DLGAP4: variants seen among roughly 807,000 people sequenced by gnomAD.
The protein encoded by DLGAP4 is disks large-associated protein 4.
Under a neutral mutation model 86.9 loss-of-function variants are expected in DLGAP4, and 18 were observed. The observed-to-expected ratio is 0.21, with a 90% CI of 0.14 to 0.31. The LOEUF (loss-of-function observed/expected upper bound fraction) is 0.31, where lower values mean the gene tolerates loss of function less well. Among genes scored for constraint, DLGAP4 ranks in the 10% least tolerant of loss-of-function variants. The pLI, the probability that DLGAP4 is intolerant of heterozygous loss-of-function variation, is 1.00. For synonymous variants in DLGAP4, 548 were observed against 574.3 expected (o/e 0.95, Z 0.65); for missense variants, 1,085 against 1,362.6 (o/e 0.80, Z 3.21).
chr20:36,476,705 G>GTTTTTTT (rs35699904), intron 7 of DLGAP4, among the ~76,000 whole-genome samples: 14 of 85,338 alleles, frequency 1.6e-4, no homozygotes, highest in South Asian at 3.7e-4. Context: ...TTTTTTTTTG[G>GTTTTTTT]TTTTTTTTTT....
Position 36,431,739 on chromosome 20 carries a change from C to T in DLGAP4, c.22C>T (p.Arg8Cys), listed in dbSNP as rs754861535. 1.9e-5 allele frequency: 30 copies of T among 1,600,440 alleles called. No homozygotes were observed. The highest frequency in any genetic ancestry group is 6.7e-5 in the East Asian group (3 of 44,586). Residue 8 changes from arginine to cysteine, a missense_variant, in exon 3 of 13, where the codon CGC becomes TGC. Around this residue, in one of 2 missense-constraint regions of DLGAP4, gnomAD observed 1,082 missense variants for 1,344.1 expected, o/e 0.81. Transcript: ENST00000339266. This position sits in a 1 kb window ranked among gnomAD's most constrained non-coding sequence, Gnocchi z 5.1. Reference sequence around the variant, plus strand: ...GATCATGAAAGGCCTCGGTGACAGCCGCCCCCGCCACCTCTCCGACAGCCT... The same window carrying T: ...GATCATGAAAGGCCTCGGTGACAGCTGCCCCCGCCACCTCTCCGACAGCCT... MKGLGDSRPRHLSDSLDP... is the reference protein window; with the variant it reads MKGLGDSCPRHLSDSLDP...
At position 36,351,556 on chromosome 20, in the gene DLGAP4, G is replaced by C. The variant is rs6028547; in HGVS notation, c.-303-15489G>C. Among the ~76,000 whole-genome samples, 244 of 151,912 alleles carry C rather than the reference G, an allele frequency of 1.6e-3. 2 individuals are homozygous for C. Among genetic ancestry groups the C allele is most frequent in the African/African-American group, 5.5e-3 (226 of 41,408 alleles). On this transcript the variant is annotated intron_variant, in intron 1 of 12. Transcript: ENST00000339266. ...AGCTCAGGGCTCCAACTGATTCTGCGTTATGGTGAGTTGTATAATTATTTC... is the reference window on the plus strand; with the variant it reads ...AGCTCAGGGCTCCAACTGATTCTGCCTTATGGTGAGTTGTATAATTATTTC...
intron 2 of DLGAP4, among the ~76,000 whole-genome samples, chr20:36,372,133 C>CGTCCGAGGGTAGGTG (rs955147788): frequency 6.6e-6 from 1 of 152,174 alleles, no homozygotes; most frequent in African/African-American, 2.4e-5. Context: ...ATAAGAATAG[C>CGTCCGAGGGTAGGTG]GTCCGAGGGT....
intron 2 of DLGAP4, among the ~76,000 whole-genome samples, chr20:36,367,986 C>T (rs1457401738): frequency 1.3e-5 from 2 of 152,238 alleles, no homozygotes; most frequent in African/African-American, 4.8e-5. Flanking sequence ...CCAGCCACCA[C>T]GAAGCACTAC....
At chr20:36,315,380 G>A (rs1390132907) in intron 1 of DLGAP4, among the ~76,000 whole-genome samples, 27 of 151,978 alleles carry the variant, frequency 1.8e-4, no homozygotes, top group Non-Finnish European at 3.7e-4. Context: ...AGAGCCATGG[G>A]TCACGGGCCT....
At chr20:36,372,448 C>T (rs2030979233) in intron 2 of DLGAP4, among the ~76,000 whole-genome samples, 1 of 152,112 alleles carries the variant, frequency 6.6e-6, no homozygotes, top group Admixed American at 6.5e-5. Flanking sequence ...CCCTCCCCAT[C>T]ACCTCCCTCA....
At chr20:36,411,263 A>G (rs912396902) in intron 2 of DLGAP4, among the ~76,000 whole-genome samples, 1 of 152,130 alleles carries the variant, frequency 6.6e-6, no homozygotes, top group Non-Finnish European at 1.5e-5. Context: ...GTGCAGGATT[A>G]TAGACGTGGG....
intron 1 of DLGAP4, among the ~76,000 whole-genome samples, chr20:36,330,116 GT>G (rs2065252702): frequency 6.6e-6 from 1 of 151,916 alleles, no homozygotes; most frequent in African/African-American, 2.4e-5. Flanking sequence ...ATGCCGTTCT[GT>G]TTTCTTCCAG....
intron 1 of DLGAP4, among the ~76,000 whole-genome samples, chr20:36,360,885 TG>T (rs2030495832): frequency 6.6e-6 from 1 of 151,704 alleles, no homozygotes; most frequent in Non-Finnish European, 1.5e-5. Flanking sequence ...AGGTCCATTT[TG>T]GACATGGGGG....
At chr20:36,317,656 T>C (rs1481176331) in intron 1 of DLGAP4, among the ~76,000 whole-genome samples, 1 of 151,444 alleles carries the variant, frequency 6.6e-6, no homozygotes, top group East Asian at 1.9e-4. Flanking sequence ...GGGGTCTTGC[T>C]ATGTTGCCCA....
intron 1 of DLGAP4, among the ~76,000 whole-genome samples, chr20:36,365,159 G>A (rs996541908): frequency 3.9e-5 from 6 of 152,228 alleles, no homozygotes; most frequent in African/African-American, 7.2e-5. Context: ...TGTCAGCAAG[G>A]AAGAGGTGGG....
intron 1 of DLGAP4, among the ~76,000 whole-genome samples, chr20:36,333,179 T>A (rs2065287478): frequency 6.6e-6 from 1 of 152,030 alleles, no homozygotes; most frequent in Admixed American, 6.6e-5. Context: ...GGCCATCTGG[T>A]CCCACTTTGA....
chr20:36,374,809 C>T (rs1364113802), intron 2 of DLGAP4, among the ~76,000 whole-genome samples: 1 of 152,242 alleles, frequency 6.6e-6, no homozygotes, highest in Non-Finnish European at 1.5e-5. Flanking sequence ...AGTTAGAAAG[C>T]TTTTTCACAG....
intron 1 of DLGAP4, among the ~76,000 whole-genome samples, chr20:36,334,084 G>T (rs551870812): frequency 2.4e-4 from 37 of 152,234 alleles, no homozygotes; most frequent in Non-Finnish European, 4.7e-4. Context: ...CTGTGTGCCA[G>T]GCACAGGGCT....
In DLGAP4 at chr20:36,308,422, G is replaced by A. The variant is rs1453755858; in HGVS notation, c.-304+1910G>A. ...AACTGTGAGCTGGACGGGACCTGAT[G>A]GCTGGGTTATGTGGAACCCCGGGTG... On this transcript the variant is annotated intron_variant, in intron 1 of 12. Coordinates refer to ENST00000339266, the MANE Select transcript of DLGAP4 (RefSeq NM_001365621.2). The surrounding 1 kb of genome is among the most constrained non-coding windows in gnomAD (Gnocchi z 4.5). 6.6e-6 allele frequency among the ~76,000 whole-genome samples: 1 copy of A among 152,212 alleles called. No individual in the cohort carries two copies. The highest frequency in any genetic ancestry group is 1.5e-5 in the Non-Finnish European group (1 of 68,022).
intron 10 of DLGAP4, among the ~76,000 whole-genome samples, chr20:36,504,925 A>G (rs1276839499): frequency 6.6e-6 from 1 of 151,272 alleles, no homozygotes; most frequent in Non-Finnish European, 1.5e-5. Context: ...ATTTGCAGAT[A>G]CTTTCTCCCA....
intron 1 of DLGAP4, among the ~76,000 whole-genome samples, chr20:36,317,477 T>C (rs1228295911): frequency 6.8e-6 from 1 of 146,614 alleles, no homozygotes; most frequent in African/African-American, 2.5e-5. Context: ...TTTTTTTTTT[T>C]TGTCAGAGCT....
At chr20:36,363,934 C>A (rs1250760891) in intron 1 of DLGAP4, among the ~76,000 whole-genome samples, 3 of 152,228 alleles carry the variant, frequency 2.0e-5, no homozygotes, top group East Asian at 3.9e-4. Flanking sequence ...GCCGAGGGAG[C>A]TCTAGGAGCC....
rs1199800995 is a variant in DLGAP4 at position 36,317,339 on chromosome 20, CTT to C, written c.-304+10829_-304+10830del. The stretch of plus-strand genomic sequence containing the variant: ...TTCCTTCCTTCCTTCCTCTTTCTCT[CTT>C]TCTTTCCTTCTCTCTTTCTTTCTTT... On this transcript the variant is annotated intron_variant, in intron 1 of 12. Coordinates refer to ENST00000339266, the MANE Select transcript of DLGAP4 (RefSeq NM_001365621.2). 9.1e-4 allele frequency among the ~76,000 whole-genome samples: 129 copies of C among 141,342 alleles called. 2 individuals carry two copies. Among genetic ancestry groups the C allele is most frequent in the African/African-American group, 3.3e-3 (125 of 38,452 alleles). 92.7% of individuals were successfully genotyped at this position (141,342 alleles called of 152,430 possible).
Sources: gnomAD v4.1 joint callset for allele counts (sites outside exome capture counted in the v4.1 genomes callset) on GRCh38, gnomAD v4.1.1 for gene constraint, gnomAD v4.1.1 regional missense constraint, Gnocchi (gnomAD v3.1) non-coding constraint, MANE v1.5 for transcripts, NCBI Gene and HGNC (gene_info 2026-07-23, HGNC 2026-07-21) for gene names.